The following KHSRP variants were observed in gnomAD, a reference collection of about 807,000 sequenced individuals.
The protein encoded by KHSRP is far upstream element-binding protein 2.
In KHSRP, 13 loss-of-function variants were observed where a neutral mutation model predicts 94.9. The ratio of observed to expected loss-of-function variants is 0.14; its 90% CI spans 0.09 to 0.22. The LOEUF is 0.22. Among genes scored for constraint, KHSRP ranks in the 10% least tolerant of loss-of-function variants. The pLI, the probability that KHSRP is intolerant of heterozygous loss-of-function variation, is 1.00. For synonymous variants in KHSRP, 495 were observed against 401.4 expected (o/e 1.23, Z -2.79); for missense variants, 710 against 1,010.0 (o/e 0.70, Z 4.03).
At chr19:6,419,165 C>T (rs1225648560) in intron 7 of KHSRP, 38 bp downstream of exon 7, 1 of 1,542,848 alleles carries the variant, frequency 6.5e-7, no homozygotes, top group Non-Finnish European at 8.8e-7. Flanking sequence ...CTTCTGCCTG[C>T]CCCCCACATC....
Position 6,424,299 on chromosome 19 carries a change from C to T in KHSRP, c.249+154G>A, listed in dbSNP as rs1351237567. ...CGTTGGGATCCCACTCGAGGCGCAG[C>T]GGGAGGGCCAGGCCCCCGCCTACCG... is the stretch of plus-strand genomic sequence containing the variant. On this transcript the variant is annotated intron_variant, in intron 1 of 18. Coordinates refer to ENST00000600480, the MANE Select transcript of KHSRP (RefSeq NM_001366299.1). 4 of 185,932 alleles carry T rather than the reference C, an allele frequency of 2.2e-5. No homozygotes were observed. The South Asian group carries it at 5.4e-4, about 25-fold the overall frequency. The allele number at this position is 185,932 out of a possible 1,614,324, so 11.5% of individuals were successfully genotyped here.
At position 6,414,216 on chromosome 19, in the gene KHSRP, G is replaced by T; in HGVS notation, c.*808C>A. On this transcript the variant is annotated 3_prime_UTR_variant, in exon 19 of 19. Transcript: ENST00000600480. Reference sequence around the variant, plus strand: ...GAGGAGGGGCTGGAACACCGTGGGGGGGGCCAGGAAGCCCCCTCCCAAACC... The same window carrying T: ...GAGGAGGGGCTGGAACACCGTGGGGTGGGCCAGGAAGCCCCCTCCCAAACC... The T allele has an allele frequency of 6.5e-7, 1 of 1,526,866 alleles. No individual in the cohort carries two copies. Among genetic ancestry groups the T allele is most frequent in the Non-Finnish European group, 8.8e-7 (1 of 1,137,276 alleles). The allele number at this position is 1,526,866 out of a possible 1,614,324, so 94.6% of individuals were successfully genotyped here.
In KHSRP at chr19:6,419,994, T is replaced by C; in HGVS notation, c.547+79A>G. ...GCTCGCTTCCTGTCCACAGTCCCCG[T>C]GGAAATTAAGTAATTAAAGGAAAGT... is the stretch of plus-strand genomic sequence containing the variant. On this transcript the variant is annotated intron_variant, in intron 6 of 18. Coordinates refer to ENST00000600480, the MANE Select transcript of KHSRP (RefSeq NM_001366299.1). 6.3e-6 allele frequency: 7 copies of C among 1,115,724 alleles called. No individual in the cohort carries two copies. The South Asian group carries it at 6.6e-5, about 10-fold the overall frequency. The allele number at this position is 1,115,724 out of a possible 1,614,324, so 69.1% of individuals were successfully genotyped here.
At chr19:6,415,767 C>T (rs1391051522) in intron 16 of KHSRP, 33 bp from the exon 17 acceptor site, 6 of 1,552,038 alleles carry the variant, frequency 3.9e-6, no homozygotes, top group African/African-American at 1.4e-5. Flanking sequence ...GACGGGGGGA[C>T]AGAACAGGGC....
At position 6,414,064 on chromosome 19, in the gene KHSRP, GA is replaced by G. The variant is rs762981895; in HGVS notation, c.*959del. ...AGAAGCCCCCAAACAGAACAAAATG[GA>G]AAAAAAAAAGATTTTTCACAGATGA... On this transcript the variant is annotated 3_prime_UTR_variant, in exon 19 of 19. Coordinates refer to ENST00000600480, the MANE Select transcript of KHSRP (RefSeq NM_001366299.1). 1.1e-3 allele frequency: 1,463 copies of G among 1,381,188 alleles called. No homozygotes were observed. The highest frequency in any genetic ancestry group is 3.7e-3 in the Admixed American group (174 of 47,626). The allele number at this position is 1,381,188 out of a possible 1,614,324, so 85.6% of individuals were successfully genotyped here.
intron 1 of KHSRP, among the ~76,000 whole-genome samples, chr19:6,423,727 C>T (rs896661601): frequency 2.0e-5 from 3 of 152,212 alleles, no homozygotes; most frequent in Non-Finnish European, 4.4e-5. Context: ...GCGGCAAAGT[C>T]CTCCCATTCT....
rs761840123 is a variant in KHSRP, at chr19:6,415,654, G to C, written c.1768C>G (p.Pro590Ala). ...YSHYYQQPPG[P>A]VPGPAPAPAA... is the part of the protein sequence containing the mutation. The stretch of plus-strand genomic sequence containing the variant: ...GGGGCCGGTGCGGGGCCGGGGACGG[G>C]GCCCGGGGGCTGCTGGTAGTAGTGT... Residue 590 changes from proline (P) to alanine (A), a missense_variant, in exon 17 of 19, where the codon CCC (proline) becomes GCC (alanine). Transcript: ENST00000600480. The C allele has an allele frequency of 1.3e-6, 2 of 1,540,038 alleles. No individual in the cohort carries two copies. Among genetic ancestry groups the C allele is most frequent in the South Asian group, 2.4e-5 (2 of 83,390 alleles).
In KHSRP at chr19:6,416,659, A is replaced by G. The variant is rs561903175; in HGVS notation, c.1328-9T>C. 2.5e-6 allele frequency: 4 copies of G among 1,613,830 alleles called. No individual in the cohort carries two copies. In the South Asian group the frequency reaches 4.4e-5, roughly 18 times the overall value. On this transcript the variant is annotated splice_polypyrimidine_tract_variant and intron_variant, in intron 13 of 18. Coordinates refer to ENST00000600480, the MANE Select transcript of KHSRP (RefSeq NM_001366299.1). ...TTTCACATTCTCGCCACCTGCAGAA[A>G]CGCAGAAGGTGAAGGTGGCCTGCAG...
At chr19:6,420,537 G>A (rs536688350) in intron 4 of KHSRP, 66 bp from the exon 5 acceptor site, 6 of 1,501,720 alleles carry the variant, frequency 4.0e-6, no homozygotes, top group East Asian at 4.5e-5. Context: ...GCTCTGGAAG[G>A]TCTACTTGAA....
chr19:6,417,459 C>T (rs1307530521), intron 11 of KHSRP, among the ~76,000 whole-genome samples: 1 of 152,168 alleles, frequency 6.6e-6, no homozygotes, highest in African/African-American at 2.4e-5. Context: ...ATCCAGCCTG[C>T]GGGGCACCCA....
In KHSRP at chr19:6,415,613, A is replaced by G; in HGVS notation, c.1809T>C (p.Ala603=). The G allele has an allele frequency of 6.6e-7, 1 of 1,512,532 alleles. No individual in the cohort carries two copies. The allele number at this position is 1,512,532 out of a possible 1,614,324, so 93.7% of individuals were successfully genotyped here. A position where few individuals can be genotyped will look rare whatever the true frequency, so the allele number is the denominator to read the frequency against. Residue 603 remains alanine, a synonymous_variant, in exon 17 of 19, where the codon GCT becomes GCC. Transcript: ENST00000600480. ...GTGGGGGCTGAGGGGGCTCACCCTGAGCCGGTGGGGCCGCAGGGGCCGGTG... is the reference window on the plus strand; with the variant it reads ...GTGGGGGCTGAGGGGGCTCACCCTGGGCCGGTGGGGCCGCAGGGGCCGGTG... The part of the protein sequence containing the change: ...GPAPAPAAPP[A]QGEPPQPPPT...
In KHSRP at chr19:6,414,448, G is replaced by A; in HGVS notation, c.*576C>T. The A allele has an allele frequency of 2.5e-6, 3 of 1,199,792 alleles. No individual in the cohort carries two copies. Among genetic ancestry groups the A allele is most frequent in the Non-Finnish European group, 3.1e-6 (3 of 963,262 alleles). The allele number at this position is 1,199,792 out of a possible 1,614,324, so 74.3% of individuals were successfully genotyped here. A position where few individuals can be genotyped will look rare whatever the true frequency, so the allele number is the denominator to read the frequency against. The stretch of plus-strand genomic sequence containing the variant: ...GGCTCCCGGCGCAGCACGACGACAT[G>A]AACAATCCAGAGATCATGGTGTCCC... On this transcript the variant is annotated 3_prime_UTR_variant, in exon 19 of 19. Transcript: ENST00000600480.
rs201453074 is a variant in KHSRP, at chr19:6,420,727, A to G, written c.426-256T>C. On this transcript the variant is annotated intron_variant, in intron 4 of 18. Coordinates refer to ENST00000600480, the MANE Select transcript of KHSRP (RefSeq NM_001366299.1). Reference sequence around the variant, plus strand: ...TGAGTAGCAAGCTGACAGTCACTCTATGTCTCTCAGTTCTAAAAAGCTGGC... The same window carrying G: ...TGAGTAGCAAGCTGACAGTCACTCTGTGTCTCTCAGTTCTAAAAAGCTGGC... Among the ~76,000 whole-genome samples, 12 of 152,342 alleles carry G rather than the reference A, an allele frequency of 7.9e-5. No homozygotes were observed. In the East Asian group the frequency reaches 2.1e-3, roughly 27 times the overall value.
rs2092165516 is a variant in KHSRP at position 6,418,101 on chromosome 19, C to G, written c.880-22G>C. 6.2e-7 allele frequency: 1 copy of G among 1,606,564 alleles called. No individual in the cohort carries two copies. The highest frequency in any genetic ancestry group is 1.3e-5 in the African/African-American group (1 of 74,766). ...CTTGCTGCAAACACACAGGAAGCAGCCCCCATGGGTGAGCCCTGCTGCCCC... is the reference window on the plus strand; with the variant it reads ...CTTGCTGCAAACACACAGGAAGCAGGCCCCATGGGTGAGCCCTGCTGCCCC... On this transcript the variant is annotated intron_variant, in intron 9 of 18. Coordinates refer to ENST00000600480, the MANE Select transcript of KHSRP (RefSeq NM_001366299.1). This position sits in a 1 kb window ranked among gnomAD's most constrained non-coding sequence, Gnocchi z 4.3.
chr19:6,413,371 T>C lies in KHSRP; in HGVS notation c.*1653A>G. ...GGGAGGTTTTGTTATCATTTATTTG[T>C]GAAGTTAAAAACGAGCGATAAAAAG... On this transcript the variant is annotated 3_prime_UTR_variant, in exon 19 of 19. Coordinates refer to ENST00000600480, the MANE Select transcript of KHSRP (RefSeq NM_001366299.1). 2.5e-6 allele frequency: 1 copy of C among 403,666 alleles called. No homozygotes were observed. The highest frequency in any genetic ancestry group is 4.9e-6 in the Non-Finnish European group (1 of 205,482). The allele number at this position is 403,666 out of a possible 1,614,324, so 25.0% of individuals were successfully genotyped here.
chr19:6,414,572 C>A lies in KHSRP; in HGVS notation c.*452G>T, dbSNP rs1220121979. 9.8e-7 allele frequency: 1 copy of A among 1,017,362 alleles called. No homozygotes were observed. The highest frequency in any genetic ancestry group is 5.4e-5 in the Admixed American group (1 of 18,410). 63.0% of individuals were successfully genotyped at this position (1,017,362 alleles called of 1,614,324 possible). On this transcript the variant is annotated 3_prime_UTR_variant, in exon 19 of 19. Transcript: ENST00000600480. ...CAGGCAAGCGCGAGCGCATGGGAGG[C>A]TGAGCCCGGCGGGGCAGGGGCCTGG... is the stretch of plus-strand genomic sequence containing the variant.
At chr19:6,419,643 G>T (rs933521146) in intron 6 of KHSRP, among the ~76,000 whole-genome samples, 1 of 152,188 alleles carries the variant, frequency 6.6e-6, no homozygotes, top group Non-Finnish European at 1.5e-5. Flanking sequence ...TCTGAGATTC[G>T]AAAGGTAACT....
At chr19:6,420,866 C>T in intron 4 of KHSRP, 1 of 372,044 alleles carries the variant, frequency 2.7e-6, no homozygotes, top group Non-Finnish European at 4.9e-6. Flanking sequence ...TCACCTCAGT[C>T]CATCTGGTGG....
chr19:6,416,452 G>T, intron 14 of KHSRP, 38 bp downstream of exon 14: 1 of 1,612,670 alleles, frequency 6.2e-7, no homozygotes, highest in Non-Finnish European at 8.5e-7. Flanking sequence ...TGGGATCCGG[G>T]CTGTGAGACC....
Sources: gnomAD v4.1 joint callset for allele counts (sites outside exome capture counted in the v4.1 genomes callset) on GRCh38, gnomAD v4.1.1 for gene constraint, Gnocchi (gnomAD v3.1) non-coding constraint, MANE v1.5 for transcripts, NCBI Gene and HGNC (gene_info 2026-07-23, HGNC 2026-07-21) for gene names.